Variants in PHF6 observed in about 807,000 individuals in gnomAD.
The protein encoded by PHF6 is PHD-like zinc finger protein.
PHF6 carries 7 observed loss-of-function variants against 34.0 expected under a neutral mutation model. The observed-to-expected ratio is 0.21, with a 90% confidence interval of 0.12 to 0.39. The LOEUF is 0.39. Among genes scored for constraint, PHF6 ranks in the 10% least tolerant of loss-of-function variants. The probability of loss-of-function intolerance (pLI) is 1.00; values close to 1 mark genes in which losing one functional copy is unlikely to be tolerated. For synonymous variants in PHF6, 89 were observed against 88.4 expected (o/e 1.01, Z -0.04); for missense variants, 128 against 262.8 (o/e 0.49, Z 3.55).
intron 5 of PHF6, among the ~76,000 whole-genome samples, chrX:134,402,493 G>A (rs1419625860): frequency 8.9e-6 from 1 of 111,833 alleles, no homozygotes; most frequent in African/African-American, 3.3e-5. Context: ...CTAGGCACAT[G>A]ATCTGGGACA....
chrX:134,379,731 C>T (rs2077297989), intron 3 of PHF6, among the ~76,000 whole-genome samples: 1 of 111,128 alleles, frequency 9.0e-6, no homozygotes, highest in African/African-American at 3.3e-5. Flanking sequence ...TGTGAGCCAC[C>T]ACGCCCAGCC....
chrX:134,408,117 G>A (rs1001055297), intron 5 of PHF6, among the ~76,000 whole-genome samples: 9 of 111,043 alleles, frequency 8.1e-5, no homozygotes, highest in Admixed American at 2.9e-4. Context: ...TAGTAGAGAC[G>A]GGGTTTCACC....
At chrX:134,406,062 TTTTCTTTCTTTCTTTCTTTCTTTC>T (rs775639514) in intron 5 of PHF6, among the ~76,000 whole-genome samples, 67 of 78,058 alleles carry the variant, frequency 8.6e-4, no homozygotes, top group African/African-American at 3.0e-3. Context: ...TCCTTTTTCT[TTTTCTTTCTTTCTTTCTTTCTTTC>T]TTTCTTTCTT....
intron 5 of PHF6, among the ~76,000 whole-genome samples, chrX:134,407,504 T>C (rs1276842780): frequency 8.9e-6 from 1 of 112,211 alleles, no homozygotes; most frequent in Non-Finnish European, 1.9e-5. Flanking sequence ...GGAGGTAAAT[T>C]CCTATATACT....
chrX:134,411,705 A>G (rs1381482378), intron 5 of PHF6, among the ~76,000 whole-genome samples: 2 of 111,215 alleles, frequency 1.8e-5, no homozygotes, highest in East Asian at 2.8e-4. Context: ...ATGATTTTTC[A>G]TTTTGAGAAT....
intron 3 of PHF6, among the ~76,000 whole-genome samples, chrX:134,384,806 C>CAT (rs1248232909): frequency 0.034 from 3,747 of 110,304 alleles, 70 homozygotes; most frequent in Non-Finnish European, 0.053. Context: ...CGCCCACCAC[C>CAT]GCTCCTGGCT....
At chrX:134,406,062 TTTTCTTTC>T (rs775639514) in intron 5 of PHF6, among the ~76,000 whole-genome samples, 12,166 of 77,949 alleles carry the variant, frequency 0.16, 1,123 homozygotes, top group African/African-American at 0.31. Flanking sequence ...TCCTTTTTCT[TTTTCTTTC>T]TTTCTTTCTT....
intron 8 of PHF6, among the ~76,000 whole-genome samples, chrX:134,416,449 C>T (rs1171386531): frequency 1.8e-5 from 2 of 111,138 alleles, no homozygotes; most frequent in Non-Finnish European, 3.8e-5. Flanking sequence ...TAGCATTTCC[C>T]CCAAGTGTGC....
At chrX:134,376,330 T>G (rs2077278150) in intron 1 of PHF6, among the ~76,000 whole-genome samples, 1 of 112,042 alleles carries the variant, frequency 8.9e-6, no homozygotes, top group Non-Finnish European at 1.9e-5. Context: ...ATAGACAAAT[T>G]GAAACAATTT....
At chrX:134,407,775 G>C (rs1211683605) in intron 5 of PHF6, among the ~76,000 whole-genome samples, 1 of 110,759 alleles carries the variant, frequency 9.0e-6, no homozygotes, top group Non-Finnish European at 1.9e-5. Context: ...GATTCAAACT[G>C]AGGCTCTTAT....
At chrX:134,388,362 G>A (rs1165701552) in intron 3 of PHF6, among the ~76,000 whole-genome samples, 1 of 111,568 alleles carries the variant, frequency 9.0e-6, no homozygotes, top group Non-Finnish European at 1.9e-5. Flanking sequence ...CGTATCTCCT[G>A]TGCAAATATC....
chrX:134,425,074 T>C, intron 9 of PHF6, 127 bp from the exon 10 acceptor site: 7 of 781,741 alleles, frequency 9.0e-6, no homozygotes, highest in Non-Finnish European at 1.2e-5. Flanking sequence ...AATTGGGGAG[T>C]ATTTTTTAAA....
Position 134,427,280 on chromosome X carries a change from G to A in PHF6, c.*1620G>A. ...TGTGTATGTGATTTTCAAAATTCAT[G>A]ACTTGAAGTGCAAGGACAGATCTAG... On this transcript the variant is annotated 3_prime_UTR_variant, in exon 11 of 11. Transcript: ENST00000370803. The A allele has an allele frequency of 6.1e-6, 1 of 165,085 alleles. No individual in the cohort carries two copies. The highest frequency in any genetic ancestry group is 9.0e-5 in the East Asian group (1 of 11,168). 13.6% of individuals were successfully genotyped at this position (165,085 alleles called of 1,213,427 possible).
In PHF6 at chrX:134,410,621, GTTTATTTTATTTTATTTTAT is replaced by G. The variant is rs71920546; in HGVS notation, c.419-2846_419-2827del. ...TACAGCAGAAGCAGATATTTTTCCA[GTTTATTTTATTTTATTTTAT>G]TTTATTTTATTTTATTTTATTTTTG... On this transcript the variant is annotated intron_variant, in intron 5 of 10. Coordinates refer to ENST00000370803, the MANE Select transcript of PHF6 (RefSeq NM_001015877.2). Among the ~76,000 whole-genome samples the G allele has an allele frequency of 4.7e-4, 46 of 97,604 alleles. No homozygotes were observed. In the South Asian group the frequency reaches 8.2e-3, roughly 17 times the overall value. The allele number at this position is 97,604 out of a possible 115,157, so 84.8% of individuals were successfully genotyped here. A position where few individuals can be genotyped will look rare whatever the true frequency, so the allele number is the denominator to read the frequency against.
intron 3 of PHF6, among the ~76,000 whole-genome samples, chrX:134,385,668 T>C (rs1311024100): frequency 8.9e-6 from 1 of 112,011 alleles, no homozygotes; most frequent in Non-Finnish European, 1.9e-5. Flanking sequence ...ATTAGTATTT[T>C]AGTGTTGTTT....
intron 5 of PHF6, among the ~76,000 whole-genome samples, chrX:134,413,145 T>C (rs760984755): frequency 1.4e-3 from 156 of 112,250 alleles, no homozygotes; most frequent in Admixed American, 2.4e-3. Context: ...GGCTACTACA[T>C]TGAATAGCAC....
intron 9 of PHF6, among the ~76,000 whole-genome samples, chrX:134,421,152 A>G (rs1364604453): frequency 9.0e-6 from 1 of 111,617 alleles, no homozygotes. Flanking sequence ...TCTCACCTAA[A>G]AGACATGCAG....
At chrX:134,406,102 CTTTCTTTCTTT>C (rs1401203117) in intron 5 of PHF6, among the ~76,000 whole-genome samples, 5 of 97,005 alleles carry the variant, frequency 5.2e-5, no homozygotes, top group African/African-American at 7.7e-5. Flanking sequence ...TTCTTTCTTT[CTTTCTTTCTTT>C]TTTTTTTTAC....
At chrX:134,416,899 A>G (rs1347748177) in intron 8 of PHF6, among the ~76,000 whole-genome samples, 1 of 111,910 alleles carries the variant, frequency 8.9e-6, no homozygotes, top group Non-Finnish European at 1.9e-5. Context: ...CTTTTTGTGT[A>G]TTTGGCAGCA....
Sources: gnomAD v4.1 joint callset for allele counts (sites outside exome capture counted in the v4.1 genomes callset) on GRCh38, gnomAD v4.1.1 for gene constraint, MANE v1.5 for transcripts, NCBI Gene and HGNC (gene_info 2026-07-23, HGNC 2026-07-21) for gene names.